Variants in PDGFC observed in about 807,000 individuals in gnomAD.
PDGFC encodes the protein platelet derived growth factor C.
PDGFC carries 12 observed loss-of-function variants against 35.5 expected under a neutral mutation model. The ratio of observed to expected loss-of-function variants is 0.34; its 90% CI spans 0.22 to 0.55. PDGFC has a LOEUF of 0.55. Among genes scored for constraint, PDGFC ranks in the 20% least tolerant of loss-of-function variants. PDGFC has a pLI of 0.91. For synonymous variants in PDGFC, 159 were observed against 148.8 expected, an observed-to-expected ratio of 1.07 and a Z score of -0.50; for missense variants, 322 against 412.4, an observed-to-expected ratio of 0.78 and a Z score of 1.90.
rs553125661 is a variant in PDGFC at position 156,830,681 on chromosome 4, C to T, written c.314+19540G>A. ...ATGACTAATGGGTTCCAAGCACATA[C>T]GGTGGTACATTTCATTGGATATTCT... On this transcript the variant is annotated intron_variant, in intron 2 of 5. Transcript: ENST00000502773. Among the ~76,000 whole-genome samples, 12 of 152,308 alleles carry T rather than the reference C, an allele frequency of 7.9e-5. No individual in the cohort carries two copies. The East Asian group carries it at 9.6e-4, about 12-fold the overall frequency.
At chr4:156,806,786 A>G (rs926380996) in intron 3 of PDGFC, among the ~76,000 whole-genome samples, 2 of 152,038 alleles carry the variant, frequency 1.3e-5, no homozygotes, top group Non-Finnish European at 2.9e-5. Flanking sequence ...TAGGTTTCTT[A>G]TCATTTTAAA....
intron 3 of PDGFC, among the ~76,000 whole-genome samples, chr4:156,808,494 A>G (rs1050471394): frequency 6.6e-5 from 10 of 152,122 alleles, no homozygotes; most frequent in Non-Finnish European, 1.3e-4. Context: ...AGCATCAGAG[A>G]TGATCCAGGG....
rs181309926 is a variant in PDGFC at position 156,950,411 on chromosome 4, C to A, written c.118+20375G>T. On this transcript the variant is annotated intron_variant, in intron 1 of 5. Transcript: ENST00000502773. ...GTTTTTTGGTCACTTTCCCAAACTT[C>A]ATTGGCGCTAGAAGCTCAAATCCCC... Among the ~76,000 whole-genome samples the A allele has an allele frequency of 9.9e-4, 151 of 151,976 alleles. 1 individual carries two copies. Among genetic ancestry groups the A allele is most frequent in the Non-Finnish European group, 1.7e-3 (114 of 67,860 alleles).
chr4:156,789,074 C>G (rs1731207854), intron 3 of PDGFC, among the ~76,000 whole-genome samples: 1 of 152,166 alleles, frequency 6.6e-6, no homozygotes, highest in African/African-American at 2.4e-5. Context: ...CTGGACAAAG[C>G]AGTTTCTAAG....
At chr4:156,885,631 C>A (rs1039169325) in intron 1 of PDGFC, among the ~76,000 whole-genome samples, 3 of 152,086 alleles carry the variant, frequency 2.0e-5, no homozygotes, top group African/African-American at 7.2e-5. Flanking sequence ...GTGGTTCACA[C>A]CTGTAACCCC....
chr4:156,794,367 G>A (rs554003968), intron 3 of PDGFC, among the ~76,000 whole-genome samples: 1 of 152,160 alleles, frequency 6.6e-6, no homozygotes, highest in Non-Finnish European at 1.5e-5. Context: ...AAAAAAGTTT[G>A]CCTCTTTCCT....
intron 1 of PDGFC, among the ~76,000 whole-genome samples, chr4:156,939,195 C>A (rs1731750986): frequency 6.6e-6 from 1 of 151,948 alleles, no homozygotes; most frequent in Non-Finnish European, 1.5e-5. Context: ...TAATGGTATG[C>A]CAAGCTCTAC....
chr4:156,880,115 C>CT (rs1385323338), intron 1 of PDGFC, among the ~76,000 whole-genome samples: 3 of 152,212 alleles, frequency 2.0e-5, no homozygotes, highest in African/African-American at 7.2e-5. Flanking sequence ...ATGAAGGTGG[C>CT]TACACTAAAC....
At chr4:156,845,208 C>G (rs1729296193) in intron 2 of PDGFC, among the ~76,000 whole-genome samples, 1 of 151,412 alleles carries the variant, frequency 6.6e-6, no homozygotes, top group Admixed American at 6.6e-5. Flanking sequence ...AAATAAAATA[C>G]CACATTATCA....
chr4:156,826,148 A>G (rs921000569), intron 2 of PDGFC, among the ~76,000 whole-genome samples: 1 of 131,364 alleles, frequency 7.6e-6, no homozygotes, highest in African/African-American at 2.9e-5. Flanking sequence ...TACAGTCATG[A>G]GCCACCATAT....
At chr4:156,912,894 T>TA (rs1258066055) in intron 1 of PDGFC, among the ~76,000 whole-genome samples, 1 of 152,056 alleles carries the variant, frequency 6.6e-6, no homozygotes. Flanking sequence ...CTGGAGGGAT[T>TA]AAAAAAATCT....
At chr4:156,766,624 C>T (rs1377789108) in intron 5 of PDGFC, among the ~76,000 whole-genome samples, 2 of 151,962 alleles carry the variant, frequency 1.3e-5, no homozygotes, top group Non-Finnish European at 2.9e-5. Context: ...TTACTTTTTT[C>T]CACTAAATAA....
chr4:156,862,619 C>T (rs540770280), intron 1 of PDGFC, among the ~76,000 whole-genome samples: 1 of 152,032 alleles, frequency 6.6e-6, no homozygotes, highest in East Asian at 1.9e-4. Flanking sequence ...CCAAAAAACA[C>T]CAATGTTAAT....
intron 1 of PDGFC, among the ~76,000 whole-genome samples, chr4:156,929,933 T>TA (rs954922565): frequency 1.3e-4 from 19 of 148,998 alleles, no homozygotes; most frequent in African/African-American, 3.4e-4. Context: ...GTAGAAATGT[T>TA]AAAAAAAAAA....
rs147660906 is a variant in PDGFC at position 156,797,062 on chromosome 4, C to A, written c.495+13775G>T. Among the ~76,000 whole-genome samples, 252 of 151,764 alleles carry A rather than the reference C, an allele frequency of 1.7e-3. 1 individual carries two copies. The highest frequency in any genetic ancestry group is 5.6e-3 in the African/African-American group (232 of 41,398). On this transcript the variant is annotated intron_variant, in intron 3 of 5. Transcript: ENST00000502773. ...ACCATCTTGGCTAACACGGTGAAACCCCATCTCTACTAAAAATACGAAAAG... is the reference window on the plus strand; with the variant it reads ...ACCATCTTGGCTAACACGGTGAAACACCATCTCTACTAAAAATACGAAAAG...
In PDGFC at chr4:156,767,890, G is replaced by C; in HGVS notation, c.804C>G (p.Thr268=). ...SIREELKRTD[T]IFWPGCLLVK... Reference sequence around the variant, plus strand: ...CCAGGAGACAACCTGGCCAGAAAATGGTATCGGTTCTCTTTAGTTCTTCCC... The same window carrying C: ...CCAGGAGACAACCTGGCCAGAAAATCGTATCGGTTCTCTTTAGTTCTTCCC... The change falls in exon 5 of 6, where the codon ACC becomes ACG. Residue 268 remains threonine (T), a synonymous_variant. Transcript: ENST00000502773. 1 of 1,612,856 alleles carries C rather than the reference G, an allele frequency of 6.2e-7. No homozygotes were observed. The highest frequency in any genetic ancestry group is 8.5e-7 in the Non-Finnish European group (1 of 1,178,986).
At chr4:156,868,857 G>A (rs1367213424) in intron 1 of PDGFC, among the ~76,000 whole-genome samples, 1 of 151,994 alleles carries the variant, frequency 6.6e-6, no homozygotes, top group African/African-American at 2.4e-5. Context: ...TAAATCCTTG[G>A]TGTTCTCAAG....
intron 2 of PDGFC, chr4:156,842,322 A>G (rs1729224141): frequency 6.6e-6 from 1 of 152,166 alleles, no homozygotes; most frequent in African/African-American, 2.4e-5. Context: ...GATAACAAAG[A>G]AAAAAGTAGT....
intron 1 of PDGFC, among the ~76,000 whole-genome samples, chr4:156,864,432 A>AT (rs35556291): frequency 6.6e-6 from 1 of 152,176 alleles, no homozygotes; most frequent in African/African-American, 2.4e-5. Context: ...TGAAGAAATT[A>AT]TTTTTTCCTT....
Sources: gnomAD v4.1 joint callset for allele counts (sites outside exome capture counted in the v4.1 genomes callset) on GRCh38, gnomAD v4.1.1 for gene constraint, MANE v1.5 for transcripts, NCBI Gene and HGNC (gene_info 2026-07-23, HGNC 2026-07-21) for gene names.